The following DLGAP1 variants were observed in gnomAD, a reference collection of about 807,000 sequenced individuals.
DLGAP1 encodes DLG associated protein 1.
DLGAP1 carries 11 observed loss-of-function variants against 90.8 expected under a neutral mutation model. The observed-to-expected ratio is 0.12, with a 90% CI of 0.08 to 0.20. The LOEUF (loss-of-function observed/expected upper bound fraction) is 0.20, where lower values mean the gene tolerates loss of function less well. Among genes scored for constraint, DLGAP1 ranks in the 10% least tolerant of loss-of-function variants. The pLI, the probability that DLGAP1 is intolerant of heterozygous loss-of-function variation, is 1.00. For synonymous variants in DLGAP1, 558 were observed against 540.7 expected, an observed-to-expected ratio of 1.03 and a Z score of -0.44; for missense variants, 1,050 against 1,333.8, an observed-to-expected ratio of 0.79 and a Z score of 3.31.
chr18:3,499,286 G>C lies in DLGAP1; in HGVS notation c.2833C>G (p.Leu945Val). The C allele has an allele frequency of 6.3e-7, 1 of 1,593,106 alleles. No individual in the cohort carries two copies. The highest frequency in any genetic ancestry group is 8.5e-7 in the Non-Finnish European group (1 of 1,170,790). The change falls in exon 13 of 13, where the codon CTG (leucine) becomes GTG (valine). Residue 945 changes from leucine to valine, a missense_variant. By Grantham distance (32) the Leu-to-Val change is conservative. Around this residue, in one of 2 missense-constraint regions of DLGAP1, gnomAD observed 565 missense variants for 879.7 expected, o/e 0.64. Coordinates refer to ENST00000315677, the MANE Select transcript of DLGAP1 (RefSeq NM_004746.4). The surrounding 1 kb of genome is among the most constrained non-coding windows in gnomAD (Gnocchi z 6.4). ...GACGCGGCGCGCTTGGCGGCCATCAGGCGCTTGCGGGCCTCCTGGCGCTGC... is the reference window on the plus strand; with the variant it reads ...GACGCGGCGCGCTTGGCGGCCATCACGCGCTTGCGGGCCTCCTGGCGCTGC... ...SSQRQEARKR[L>V]MAAKRAASVR...
intron 7 of DLGAP1, among the ~76,000 whole-genome samples, chr18:3,641,802 T>C (rs971553433): frequency 7.9e-5 from 12 of 152,222 alleles, no homozygotes; most frequent in Non-Finnish European, 1.2e-4. Context: ...GTACTATAGA[T>C]GCTGGGCCTA....
intron 2 of DLGAP1, among the ~76,000 whole-genome samples, chr18:4,127,861 T>C (rs1052105150): frequency 6.6e-6 from 1 of 152,152 alleles, no homozygotes; most frequent in Non-Finnish European, 1.5e-5. Context: ...CCAATCACTG[T>C]GAAAAGAAAC....
chr18:4,440,012 C>T (rs1156919918), intron 1 of DLGAP1, among the ~76,000 whole-genome samples: 6 of 147,510 alleles, frequency 4.1e-5, no homozygotes, highest in East Asian at 2.1e-4. Context: ...CTCAGCTACT[C>T]GGGAGGCTGA....
At chr18:3,582,886 TCCTC>T (rs1181060937) in intron 7 of DLGAP1, among the ~76,000 whole-genome samples, 6 of 136,384 alleles carry the variant, frequency 4.4e-5, no homozygotes, top group South Asian at 2.7e-4. Flanking sequence ...TTTCCTTTCT[TCCTC>T]CCTGCTTTTC....
intron 5 of DLGAP1, among the ~76,000 whole-genome samples, chr18:3,772,378 T>TTC (rs1568109268): frequency 6.4e-5 from 1 of 15,626 alleles, no homozygotes; most frequent in Non-Finnish European, 2.7e-4. Flanking sequence ...CTTTCTTTCT[T>TTC]TCTTTCTTTC....
chr18:4,205,215 G>C (rs531718671), intron 1 of DLGAP1, among the ~76,000 whole-genome samples: 1 of 152,254 alleles, frequency 6.6e-6, no homozygotes, highest in East Asian at 1.9e-4. Flanking sequence ...GGGAGGTTAA[G>C]AGGAGAAAGA....
At chr18:4,036,801 A>T (rs2074896271) in intron 2 of DLGAP1, among the ~76,000 whole-genome samples, 1 of 152,198 alleles carries the variant, frequency 6.6e-6, no homozygotes, top group Non-Finnish European at 1.5e-5. Flanking sequence ...AGAATGATGA[A>T]GAAAAAAAAG....
chr18:4,111,700 T>A (rs1598419885), intron 2 of DLGAP1, among the ~76,000 whole-genome samples: 2 of 152,070 alleles, frequency 1.3e-5, no homozygotes, highest in African/African-American at 4.8e-5. Context: ...GTCCATTTCA[T>A]CTAAGTTATC....
At chr18:4,276,326 T>C (rs2079413000) in intron 1 of DLGAP1, among the ~76,000 whole-genome samples, 1 of 152,062 alleles carries the variant, frequency 6.6e-6, no homozygotes, top group Non-Finnish European at 1.5e-5. Context: ...TTTCTGTTTA[T>C]AGATGGAGGT....
intron 4 of DLGAP1, among the ~76,000 whole-genome samples, chr18:3,838,834 A>T (rs1317822292): frequency 6.6e-6 from 1 of 152,208 alleles, no homozygotes; most frequent in Non-Finnish European, 1.5e-5. Flanking sequence ...CCAGGCAAAA[A>T]CCAAACTCTG....
At chr18:4,122,074 T>A (rs1190371395) in intron 2 of DLGAP1, among the ~76,000 whole-genome samples, 1 of 152,158 alleles carries the variant, frequency 6.6e-6, no homozygotes, top group African/African-American at 2.4e-5. Flanking sequence ...TGCAATCATG[T>A]GGAAGTGAGC....
At chr18:3,609,117 C>T (rs1402731439) in intron 7 of DLGAP1, among the ~76,000 whole-genome samples, 2 of 151,296 alleles carry the variant, frequency 1.3e-5, no homozygotes, top group African/African-American at 2.4e-5. Flanking sequence ...GCGTGAGCTG[C>T]TGCACCCAGC....
intron 2 of DLGAP1, among the ~76,000 whole-genome samples, chr18:4,062,398 C>T (rs530953152): frequency 1.6e-4 from 24 of 152,244 alleles, no homozygotes; most frequent in African/African-American, 5.5e-4. Context: ...AGTCCGTGTA[C>T]AGGGTACCTG....
chr18:4,421,481 C>T (rs1256320188), intron 1 of DLGAP1, among the ~76,000 whole-genome samples: 2 of 152,008 alleles, frequency 1.3e-5, no homozygotes, highest in Non-Finnish European at 2.9e-5. Flanking sequence ...TGACAAGTTC[C>T]AGGATTAGGA....
chr18:4,028,007 A>T (rs1323220798), intron 2 of DLGAP1, among the ~76,000 whole-genome samples: 2 of 152,234 alleles, frequency 1.3e-5, no homozygotes, highest in Non-Finnish European at 2.9e-5. Flanking sequence ...TCAACAGAAA[A>T]GAAAAAACAT....
chr18:4,234,042 T>TA (rs968126772), intron 1 of DLGAP1, among the ~76,000 whole-genome samples: 8 of 151,906 alleles, frequency 5.3e-5, no homozygotes, highest in Admixed American at 1.3e-4. Flanking sequence ...CAGTCATCTA[T>TA]AAAAAATGAC....
At chr18:3,561,315 A>G (rs1325231904) in intron 9 of DLGAP1, among the ~76,000 whole-genome samples, 3 of 148,558 alleles carry the variant, frequency 2.0e-5, no homozygotes, top group Non-Finnish European at 1.5e-5. Context: ...AGGTGCCTGT[A>G]ATCCTAACTA....
intron 1 of DLGAP1, among the ~76,000 whole-genome samples, chr18:4,179,844 G>A (rs1394921065): frequency 6.6e-6 from 1 of 152,146 alleles, no homozygotes; most frequent in Admixed American, 6.5e-5. Flanking sequence ...AATCTCGGCT[G>A]CGTCCCTTGG....
intron 1 of DLGAP1, among the ~76,000 whole-genome samples, chr18:4,300,454 C>T (rs2080096493): frequency 6.6e-6 from 1 of 152,138 alleles, no homozygotes; most frequent in African/African-American, 2.4e-5. Context: ...TACAGATACA[C>T]CTACAAACTC....
Sources: allele counts gnomAD v4.1 joint callset (sites outside exome capture counted in the v4.1 genomes callset), GRCh38; gene constraint gnomAD v4.1.1; regional missense constraint gnomAD v4.1.1; non-coding constraint Gnocchi (gnomAD v3.1); transcripts MANE v1.5; gene names NCBI Gene and HGNC (gene_info 2026-07-23, HGNC 2026-07-21).